The following KIF17 variants were observed in gnomAD, a reference collection of about 807,000 sequenced individuals.
KIF17 encodes kinesin family member 17.
KIF17 carries 80 observed loss-of-function variants against 96.8 expected under a neutral mutation model. The ratio of observed to expected loss-of-function variants is 0.83; its 90% CI spans 0.69 to 1.00. KIF17 has a LOEUF of 1.00. KIF17 is among the 50% of genes least tolerant of loss of function. The pLI, the probability that KIF17 is intolerant of heterozygous loss-of-function variation, is 0.00. For missense variants in KIF17, 1,280 were observed against 1,372.9 expected (o/e 0.93, Z 1.07); for synonymous variants, 567 against 587.5 (o/e 0.97, Z 0.51).
At chr1:20,701,247 C>T (rs371242944) in intron 5 of KIF17, among the ~76,000 whole-genome samples, 56 of 152,172 alleles carry the variant, frequency 3.7e-4, no homozygotes, top group Non-Finnish European at 6.3e-4. Flanking sequence ...CTGGCTAACA[C>T]GGTAAAACCC....
chr1:20,661,975 T>C (rs2053443063), downstream of KIF17, among the ~76,000 whole-genome samples: 1 of 152,190 alleles, frequency 6.6e-6, no homozygotes, highest in African/African-American at 2.4e-5. Context: ...CTGGAGACTG[T>C]GGATGGGCAG....
At position 20,666,124 on chromosome 1, in the gene KIF17, T is replaced by A. The variant is rs2053522655; in HGVS notation, c.2908+90A>T. On this transcript the variant is annotated intron_variant, in intron 14 of 14. Transcript: ENST00000400463. ...GAGGCTCCGAGAGGGAAAGGAGTTT[T>A]TGAACCCAGGCCTGTCTGACTTCAA... is the stretch of plus-strand genomic sequence containing the variant. 3.9e-6 allele frequency: 4 copies of A among 1,019,978 alleles called. No individual in the cohort carries two copies. The South Asian group carries it at 5.0e-5, about 13-fold the overall frequency. 63.2% of individuals were successfully genotyped at this position (1,019,978 alleles called of 1,614,324 possible).
At chr1:20,684,147 G>A (rs2053886851) in intron 10 of KIF17, among the ~76,000 whole-genome samples, 2 of 152,246 alleles carry the variant, frequency 1.3e-5, no homozygotes, top group African/African-American at 2.4e-5. Flanking sequence ...GAGGCAGGCT[G>A]GGAACTGCTA....
chr1:20,692,072 G>T (rs992079219), intron 6 of KIF17, among the ~76,000 whole-genome samples: 1 of 152,152 alleles, frequency 6.6e-6, no homozygotes, highest in Non-Finnish European at 1.5e-5. Flanking sequence ...ATCTGCTAAT[G>T]GTATCCCATG....
intron 1 of KIF17, among the ~76,000 whole-genome samples, chr1:20,717,016 T>G (rs906602055): frequency 2.0e-5 from 3 of 152,124 alleles, no homozygotes; most frequent in African/African-American, 7.2e-5. Context: ...GGGCTAGGTG[T>G]GCCCCATCTT....
chr1:20,671,487 T>C (rs1051924334), intron 12 of KIF17, among the ~76,000 whole-genome samples: 5 of 151,724 alleles, frequency 3.3e-5, no homozygotes, highest in Admixed American at 6.6e-5. Context: ...CATGCTGCCA[T>C]GCCTGGCTAA....
intron 4 of KIF17, among the ~76,000 whole-genome samples, chr1:20,707,781 A>G (rs1234035194): frequency 1.1e-4 from 10 of 90,932 alleles, no homozygotes; most frequent in African/African-American, 5.0e-4. Context: ...AAACAAACCA[A>G]TGTGTATGTG....
intron 1 of KIF17, 189 bp downstream of exon 1, chr1:20,717,287 G>A (rs2054594498): frequency 1.1e-5 from 7 of 625,322 alleles, no homozygotes; most frequent in Admixed American, 8.8e-5. Context: ...GTGCAGACCC[G>A]GAGGCGACAT....
rs549184926 is a variant in KIF17, at chr1:20,677,711, C to T, written c.2463+4942G>A. On this transcript the variant is annotated intron_variant, in intron 11 of 14. Transcript: ENST00000400463. ...TCTACTAAAAAATACAAAAATTAGC[C>T]GGGCATGGGTGGTGCACGCCTGTAG... Among the ~76,000 whole-genome samples, 44 of 152,266 alleles carry T rather than the reference C, an allele frequency of 2.9e-4. No homozygotes were observed. The South Asian group carries it at 8.1e-3, about 28-fold the overall frequency.
At chr1:20,698,557 T>C in intron 5 of KIF17, 69 bp from the exon 6 acceptor site, 1 of 1,028,328 alleles carries the variant, frequency 9.7e-7, no homozygotes. Context: ...AGCAGAAATC[T>C]ATAAAAAGAC....
intron 1 of KIF17, 60 bp from the exon 2 acceptor site, chr1:20,715,699 C>G: frequency 6.2e-7 from 1 of 1,603,584 alleles, no homozygotes; most frequent in South Asian, 1.1e-5. Flanking sequence ...GGGCTCGGGA[C>G]AGGGCTCCCT....
At position 20,715,517 on chromosome 1, in the gene KIF17, G is replaced by C. The variant is rs79832278; in HGVS notation, c.354C>G (p.Phe118Leu). 6.2e-7 allele frequency: 1 copy of C among 1,613,248 alleles called. No individual in the cohort carries two copies. The highest frequency in any genetic ancestry group is 8.5e-7 in the Non-Finnish European group (1 of 1,180,032). The change falls in exon 2 of 15, where the codon TTC (phenylalanine) becomes TTG (leucine). Residue 118 changes from phenylalanine to leucine, a missense_variant. By Grantham distance (22) the Phe-to-Leu change is conservative (BLOSUM62 0). Transcript: ENST00000400463. ...CCTGGACGCTCTCGAACACGTGCTC[G>C]AAGGCCCTGGGGATGATGCCTCTCT... ...PSQRGIIPRAFEHVFESVQCA... is the reference protein window; with the variant it reads ...PSQRGIIPRALEHVFESVQCA...
chr1:20,715,341 C>A, intron 2 of KIF17, 152 bp downstream of exon 2: 1 of 1,026,712 alleles, frequency 9.7e-7, no homozygotes, highest in Non-Finnish European at 1.4e-6. Context: ...AAGTTTTTTT[C>A]CCACCACCTT....
At position 20,672,750 on chromosome 1, in the gene KIF17, A is replaced by G. The variant is rs2053669911; in HGVS notation, c.2464-554T>C. On this transcript the variant is annotated intron_variant, in intron 11 of 14. Coordinates refer to ENST00000400463, the MANE Select transcript of KIF17 (RefSeq NM_001122819.3). This position sits in a 1 kb window ranked among gnomAD's most constrained non-coding sequence, Gnocchi z 4.3. ...GGACCTAAGAGTAAGACCCACCTTG[A>G]TCTGATCAAGGGTTCCAGATTCTTT... 1 of 194,738 alleles carries G rather than the reference A, an allele frequency of 5.1e-6. No individual in the cohort carries two copies. The highest frequency in any genetic ancestry group is 1.1e-5 in the Non-Finnish European group (1 of 92,176). 12.1% of individuals were successfully genotyped at this position (194,738 alleles called of 1,614,324 possible). A position where few individuals can be genotyped will look rare whatever the true frequency, so the allele number is the denominator to read the frequency against.
At chr1:20,696,255 T>C (rs1365903097) in intron 6 of KIF17, among the ~76,000 whole-genome samples, 2 of 152,028 alleles carry the variant, frequency 1.3e-5, no homozygotes, top group Admixed American at 6.6e-5. Flanking sequence ...TGAATGGTTC[T>C]GGAATACAAA....
intron 2 of KIF17, among the ~76,000 whole-genome samples, chr1:20,714,444 C>T (rs780431351): frequency 2.0e-5 from 3 of 152,006 alleles, no homozygotes; most frequent in South Asian, 4.1e-4. Flanking sequence ...GAGCCAAGAT[C>T]GCGCCATTGC....
intron 5 of KIF17, among the ~76,000 whole-genome samples, chr1:20,701,160 G>A (rs1477550401): frequency 5.9e-5 from 9 of 152,198 alleles, no homozygotes; most frequent in Non-Finnish European, 7.3e-5. Context: ...GAGGCCAGGC[G>A]AGGTGGCTCA....
intron 3 of KIF17, among the ~76,000 whole-genome samples, chr1:20,711,055 GT>G (rs2054426729): frequency 6.6e-6 from 1 of 152,258 alleles, no homozygotes; most frequent in African/African-American, 2.4e-5. Flanking sequence ...AGGGCACCTT[GT>G]TCTGTGACTT....
In KIF17 at chr1:20,700,196, G is replaced by A. The variant is rs560296890; in HGVS notation, c.1124-1708C>T. Among the ~76,000 whole-genome samples, 13 of 151,902 alleles carry A rather than the reference G, an allele frequency of 8.6e-5. No individual in the cohort carries two copies. Among genetic ancestry groups the A allele is most frequent in the Non-Finnish European group, 1.8e-4 (12 of 68,000 alleles). ...AGTGATTCTCCTGCCTCAGCCTCCC[G>A]AGTAGCTGCGACTACAGGTGTGCGC... On this transcript the variant is annotated intron_variant, in intron 5 of 14. Transcript: ENST00000400463. This position sits in a 1 kb window ranked among gnomAD's most constrained non-coding sequence, Gnocchi z 4.6.
Sources: gnomAD v4.1 joint callset for allele counts (sites outside exome capture counted in the v4.1 genomes callset) on GRCh38, gnomAD v4.1.1 for gene constraint, Gnocchi (gnomAD v3.1) non-coding constraint, MANE v1.5 for transcripts, NCBI Gene and HGNC (gene_info 2026-07-23, HGNC 2026-07-21) for gene names.